RALGAPA2: variants seen among roughly 807,000 people sequenced by gnomAD.
The protein encoded by RALGAPA2 is ral GTPase-activating protein subunit alpha-2.
In RALGAPA2, 139 loss-of-function variants were observed where a neutral mutation model predicts 230.4. The ratio of observed to expected loss-of-function variants is 0.60; its 90% CI spans 0.53 to 0.69. The LOEUF is 0.69. Ranked by LOEUF, RALGAPA2 falls within the 30% of genes least tolerant of loss-of-function variation. The pLI is 0.00. For synonymous variants in RALGAPA2, 847 were observed against 837.8 expected (o/e 1.01, Z -0.19); for missense variants, 2,163 against 2,276.0 (o/e 0.95, Z 1.01).
intron 37 of RALGAPA2, among the ~76,000 whole-genome samples, chr20:20,426,000 C>T (rs554515628): frequency 3.4e-4 from 52 of 152,182 alleles, no homozygotes; most frequent in Non-Finnish European, 6.6e-4. Flanking sequence ...TGGAGCATGT[C>T]TTTATCTGCA....
intron 1 of RALGAPA2, among the ~76,000 whole-genome samples, chr20:20,682,716 T>C (rs994052212): frequency 6.6e-6 from 1 of 152,260 alleles, no homozygotes; most frequent in African/African-American, 2.4e-5. Context: ...TGAATCATTA[T>C]GTCCCATGCA....
intron 1 of RALGAPA2, among the ~76,000 whole-genome samples, chr20:20,709,196 G>A (rs1439218480): frequency 2.6e-5 from 4 of 152,130 alleles, no homozygotes; most frequent in Non-Finnish European, 5.9e-5. Flanking sequence ...GTACACACCT[G>A]TAATCCCAGC....
chr20:20,412,245 G>A (rs2060077350), intron 37 of RALGAPA2, 97 bp from the exon 38 acceptor site: 1 of 1,474,836 alleles, frequency 6.8e-7, no homozygotes, highest in Non-Finnish European at 9.3e-7. Flanking sequence ...TTTTTTCTGT[G>A]TAAAAAAGTA....
chr20:20,707,139 A>C (rs893353352), intron 1 of RALGAPA2, among the ~76,000 whole-genome samples: 1 of 151,966 alleles, frequency 6.6e-6, no homozygotes, highest in South Asian at 2.1e-4. Context: ...TGTAGATGAC[A>C]CTCCTATTAT....
At chr20:20,408,986 T>C (rs1470940568) in intron 38 of RALGAPA2, among the ~76,000 whole-genome samples, 1 of 152,216 alleles carries the variant, frequency 6.6e-6, no homozygotes, top group African/African-American at 2.4e-5. Context: ...TATTTTCTCA[T>C]TAGGAAAATA....
intron 37 of RALGAPA2, chr20:20,471,345 G>A (rs116311544): frequency 1.5e-3 from 231 of 150,672 alleles, no homozygotes; most frequent in African/African-American, 5.5e-3. Context: ...TCAGTAAGTA[G>A]AGAAGGTGAC....
At chr20:20,546,638 A>C (rs973108772) in intron 24 of RALGAPA2, 66 bp downstream of exon 24, 11 of 1,504,316 alleles carry the variant, frequency 7.3e-6, no homozygotes, top group African/African-American at 4.2e-5. Context: ...GAGTGGAGAA[A>C]TCTGAACCTT....
intron 1 of RALGAPA2, among the ~76,000 whole-genome samples, chr20:20,690,676 C>A (rs546219468): frequency 3.7e-4 from 56 of 152,200 alleles, no homozygotes; most frequent in African/African-American, 1.2e-3. Flanking sequence ...CCCCTCAGCA[C>A]ACTGCTTCCT....
intron 27 of RALGAPA2, among the ~76,000 whole-genome samples, chr20:20,530,368 A>G (rs367592167): frequency 6.6e-6 from 1 of 152,240 alleles, no homozygotes; most frequent in African/African-American, 2.4e-5. Context: ...AGGGATCAGC[A>G]GCAAGTGTTT....
rs1187468147 is a variant in RALGAPA2 at position 20,396,718 on chromosome 20, C to A, written c.*12G>T. ...ACCTTGCTCAAATATTGAAATGAGA[C>A]CTTTACGTGTTTTAATCTGAAGGGA... On this transcript the variant is annotated 3_prime_UTR_variant, in exon 39 of 40. Transcript: ENST00000202677. 1 of 1,610,216 alleles carries A rather than the reference C, an allele frequency of 6.2e-7. No homozygotes were observed. The highest frequency in any genetic ancestry group is 1.7e-5 in the Admixed American group (1 of 59,928).
At chr20:20,524,627 C>G (rs910109084) in intron 29 of RALGAPA2, 84 bp from the exon 30 acceptor site, 252 of 1,543,844 alleles carry the variant, frequency 1.6e-4, no homozygotes, top group Non-Finnish European at 2.1e-4. Flanking sequence ...ATCCCTACAC[C>G]CAGTATTCAG....
At chr20:20,569,351 ACT>A (rs1248644548) in intron 23 of RALGAPA2, among the ~76,000 whole-genome samples, 1 of 152,242 alleles carries the variant, frequency 6.6e-6, no homozygotes, top group East Asian at 1.9e-4. Flanking sequence ...AAAACAGTCA[ACT>A]CTATTAAACT....
chr20:20,695,652 T>C (rs1359352996), intron 1 of RALGAPA2, among the ~76,000 whole-genome samples: 5 of 152,236 alleles, frequency 3.3e-5, no homozygotes, highest in African/African-American at 1.2e-4. Flanking sequence ...TCCTCCTGTA[T>C]GTAGCTAACC....
In RALGAPA2 at chr20:20,505,533, G is replaced by T; in HGVS notation, c.4930C>A (p.Arg1644Ser). 1 of 1,564,216 alleles carries T rather than the reference G, an allele frequency of 6.4e-7. No individual in the cohort carries two copies. Residue 1644 changes from arginine to serine, a missense_variant and splice_region_variant, in exon 34 of 40, where the codon CGT becomes AGT. Transcript: ENST00000202677. ...ELKNLDSRQC[R>S]ETHKIAVFYI... ...AACACTGCGATTTTGTGTGTCTCAC[G>T]GCTATAAATTTTTAAATTTAAAGGA...
chr20:20,525,443 T>A (rs1201058561), intron 28 of RALGAPA2, among the ~76,000 whole-genome samples: 1 of 152,218 alleles, frequency 6.6e-6, no homozygotes, highest in Non-Finnish European at 1.5e-5. Context: ...AAAAATCACT[T>A]GTGCCTTTTA....
chr20:20,604,167 C>T (rs923061378), intron 15 of RALGAPA2, among the ~76,000 whole-genome samples: 7 of 152,212 alleles, frequency 4.6e-5, no homozygotes, highest in Non-Finnish European at 8.8e-5. Flanking sequence ...CATTTTGACC[C>T]TATTTTGTAT....
intron 38 of RALGAPA2, among the ~76,000 whole-genome samples, chr20:20,397,149 A>G (rs998666954): frequency 6.6e-6 from 1 of 152,246 alleles, no homozygotes; most frequent in African/African-American, 2.4e-5. Flanking sequence ...TCAATGGATG[A>G]CCTGAAAAAA....
At chr20:20,550,503 A>C (rs1455806248) in intron 23 of RALGAPA2, among the ~76,000 whole-genome samples, 1 of 152,152 alleles carries the variant, frequency 6.6e-6, no homozygotes, top group Non-Finnish European at 1.5e-5. Flanking sequence ...GGCCTACCTA[A>C]CAGTATCACA....
At chr20:20,704,397 C>T (rs1318423078) in intron 1 of RALGAPA2, among the ~76,000 whole-genome samples, 2 of 152,192 alleles carry the variant, frequency 1.3e-5, no homozygotes, top group Non-Finnish European at 2.9e-5. Flanking sequence ...TACACAAACA[C>T]CTCCATGTTA....
Sources: allele counts gnomAD v4.1 joint callset (sites outside exome capture counted in the v4.1 genomes callset), GRCh38; gene constraint gnomAD v4.1.1; transcripts MANE v1.5; gene names NCBI Gene and HGNC (gene_info 2026-07-23, HGNC 2026-07-21).